GMDS: variants seen among roughly 807,000 people sequenced by gnomAD.
The protein encoded by GMDS is GDP-mannose 4,6 dehydratase.
Under a neutral mutation model 49.9 loss-of-function variants are expected in GMDS, and 20 were observed. The observed-to-expected ratio is 0.40, with a 90% CI of 0.28 to 0.58. The LOEUF (loss-of-function observed/expected upper bound fraction) is 0.58, where lower values mean the gene tolerates loss of function less well. Ranked by LOEUF, GMDS falls within the 20% of genes least tolerant of loss-of-function variation. GMDS has a pLI of 0.42. For missense variants in GMDS, 362 were observed against 481.4 expected, an observed-to-expected ratio of 0.75 and a Z score of 2.32; for synonymous variants, 177 against 178.6, an observed-to-expected ratio of 0.99 and a Z score of 0.07.
At chr6:1,820,035 T>C (rs945436419) in intron 7 of GMDS, among the ~76,000 whole-genome samples, 12 of 151,918 alleles carry the variant, frequency 7.9e-5, no homozygotes, top group African/African-American at 2.9e-4. Flanking sequence ...CTGGTACTAA[T>C]ATAAAAAGCT....
chr6:2,037,684 C>A (rs1769382879), intron 4 of GMDS, among the ~76,000 whole-genome samples: 1 of 152,114 alleles, frequency 6.6e-6, no homozygotes, highest in African/African-American at 2.4e-5. Context: ...TAACAAAGCG[C>A]CTGGATGCTG....
At chr6:1,713,083 A>T (rs1316097241) in intron 9 of GMDS, among the ~76,000 whole-genome samples, 1 of 152,366 alleles carries the variant, frequency 6.6e-6, no homozygotes, top group African/African-American at 2.4e-5. Flanking sequence ...CACGGATGTC[A>T]GACTGACAAG....
intron 9 of GMDS, among the ~76,000 whole-genome samples, chr6:1,673,112 A>C (rs1764480316): frequency 6.6e-6 from 1 of 152,202 alleles, no homozygotes; most frequent in Non-Finnish European, 1.5e-5. Flanking sequence ...GATGAGGTTT[A>C]AGATCTCAGA....
chr6:1,854,493 T>TTTA (rs1467832994), intron 7 of GMDS, among the ~76,000 whole-genome samples: 10 of 152,336 alleles, frequency 6.6e-5, no homozygotes, highest in African/African-American at 2.4e-4. Context: ...TGGGAGTGAT[T>TTTA]TTATCACCCA....
chr6:2,103,766 G>C (rs963235879), intron 4 of GMDS, among the ~76,000 whole-genome samples: 2 of 152,122 alleles, frequency 1.3e-5, no homozygotes, highest in Non-Finnish European at 2.9e-5. Flanking sequence ...AAGGTCCTCG[G>C]AAGCACACAC....
At chr6:1,768,832 G>A (rs1768464103) in intron 7 of GMDS, among the ~76,000 whole-genome samples, 1 of 152,146 alleles carries the variant, frequency 6.6e-6, no homozygotes, top group Admixed American at 6.5e-5. Flanking sequence ...TTCATAATTT[G>A]TAAAAACTGG....
At chr6:1,658,156 G>A (rs979075588) in intron 9 of GMDS, among the ~76,000 whole-genome samples, 2 of 152,212 alleles carry the variant, frequency 1.3e-5, no homozygotes, top group African/African-American at 2.4e-5. Flanking sequence ...AATTTGGGTG[G>A]TCCATCGTGA....
chr6:1,756,722 G>GTGCTGGA (rs1200080558), intron 7 of GMDS, among the ~76,000 whole-genome samples: 1 of 152,224 alleles, frequency 6.6e-6, no homozygotes, highest in Non-Finnish European at 1.5e-5. Flanking sequence ...CTGGTGCTGG[G>GTGCTGGA]TGCTGGATGC....
Position 2,203,303 on chromosome 6 carries a change from T to A in GMDS, c.102+42018A>T, listed in dbSNP as rs186284376. On this transcript the variant is annotated intron_variant, in intron 1 of 10. Transcript: ENST00000380815. ...AATGATGGTAAAATTGGAAAAAAAA[T>A]ATGTAAGAAACTTATGAAAAACAAT... is the stretch of plus-strand genomic sequence containing the variant. 5.6e-3 allele frequency among the ~76,000 whole-genome samples: 855 copies of A among 152,166 alleles called. 4 individuals are homozygous for A. The highest frequency in any genetic ancestry group is 0.023 in the South Asian group (113 of 4,818).
intron 1 of GMDS, among the ~76,000 whole-genome samples, chr6:2,218,066 T>C (rs1161899109): frequency 6.6e-6 from 1 of 151,862 alleles, no homozygotes; most frequent in Non-Finnish European, 1.5e-5. Flanking sequence ...CCTGTGGGGG[T>C]ACCCCTAAGC....
At chr6:1,949,380 T>C (rs1037728965) in intron 6 of GMDS, among the ~76,000 whole-genome samples, 2 of 152,206 alleles carry the variant, frequency 1.3e-5, no homozygotes, top group South Asian at 2.1e-4. Flanking sequence ...CGTGGCTATA[T>C]TGCAGGGAAC....
chr6:1,817,304 A>C (rs986607600), intron 7 of GMDS, among the ~76,000 whole-genome samples: 1 of 152,124 alleles, frequency 6.6e-6, no homozygotes, highest in Non-Finnish European at 1.5e-5. Flanking sequence ...TGTTTTCTCC[A>C]ATTTCACCAC....
chr6:1,655,322 C>T (rs937815742), intron 9 of GMDS, among the ~76,000 whole-genome samples: 6 of 152,054 alleles, frequency 3.9e-5, no homozygotes, highest in East Asian at 1.9e-4. Flanking sequence ...GGGATGAATA[C>T]GTGGGTTCTG....
At chr6:1,869,497 G>A (rs530157995) in intron 7 of GMDS, among the ~76,000 whole-genome samples, 1 of 152,176 alleles carries the variant, frequency 6.6e-6, no homozygotes, top group Admixed American at 6.5e-5. Context: ...TGTGGCAGGA[G>A]CTGAAGGGCT....
chr6:1,964,326 T>C lies in GMDS; in HGVS notation c.346-3360A>G, dbSNP rs553089722. 6.6e-5 allele frequency among the ~76,000 whole-genome samples: 10 copies of C among 152,368 alleles called. No homozygotes were observed. In the South Asian group the frequency reaches 1.5e-3, roughly 22 times the overall value. On this transcript the variant is annotated intron_variant, in intron 4 of 10. Transcript: ENST00000380815. The stretch of plus-strand genomic sequence containing the variant: ...CTTTCCTTGACTAGTTTTTCATTTA[T>C]AGACATGCCGCCTAAACAGCTCCAA...
chr6:2,217,581 A>C (rs936963637), intron 1 of GMDS, among the ~76,000 whole-genome samples: 2 of 152,190 alleles, frequency 1.3e-5, no homozygotes, highest in African/African-American at 4.8e-5. Flanking sequence ...GTAAACATCA[A>C]AATGTGCTTA....
chr6:2,181,410 G>A (rs964749274), intron 1 of GMDS, among the ~76,000 whole-genome samples: 10 of 151,848 alleles, frequency 6.6e-5, no homozygotes, highest in African/African-American at 7.3e-5. Context: ...CCAATCCATC[G>A]GCAAATCCTA....
intron 9 of GMDS, among the ~76,000 whole-genome samples, chr6:1,648,930 T>C (rs1320173975): frequency 6.6e-6 from 1 of 152,190 alleles, no homozygotes; most frequent in Admixed American, 6.5e-5. Context: ...CATTTCCAGA[T>C]ATAATGGTTC....
chr6:1,935,919 G>A (rs2146920), intron 6 of GMDS, among the ~76,000 whole-genome samples: 1 of 151,894 alleles, frequency 6.6e-6, no homozygotes, highest in African/African-American at 2.4e-5. Context: ...TCAAAGAAAT[G>A]AAAGAAAATC....
Sources: gnomAD v4.1 joint callset for allele counts (sites outside exome capture counted in the v4.1 genomes callset) on GRCh38, gnomAD v4.1.1 for gene constraint, MANE v1.5 for transcripts, NCBI Gene and HGNC (gene_info 2026-07-23, HGNC 2026-07-21) for gene names.